NRG3: variants seen among roughly 807,000 people sequenced by gnomAD.
NRG3 encodes the protein pro-neuregulin-3, membrane-bound isoform.
Under a neutral mutation model 66.9 loss-of-function variants are expected in NRG3, and 31 were observed. The ratio of observed to expected loss-of-function variants is 0.46; its 90% CI spans 0.35 to 0.63. NRG3 has a LOEUF of 0.63. Among genes scored for constraint, NRG3 ranks in the 20% least tolerant of loss-of-function variants. The pLI is 0.00. For synonymous variants in NRG3, 393 were observed against 359.4 expected (o/e 1.09, Z -1.06); for missense variants, 910 against 878.9 (o/e 1.04, Z -0.45).
chr10:82,480,478 G>T (rs1842180745), intron 2 of NRG3, among the ~76,000 whole-genome samples: 1 of 152,086 alleles, frequency 6.6e-6, no homozygotes, highest in Non-Finnish European at 1.5e-5. Context: ...TTGTGCTTTG[G>T]GGTTAAGGAA....
intron 1 of NRG3, among the ~76,000 whole-genome samples, chr10:82,018,458 C>T (rs1230089066): frequency 2.6e-5 from 4 of 152,090 alleles, no homozygotes; most frequent in Non-Finnish European, 4.4e-5. Context: ...GTAGTTTTTT[C>T]CAATTCTGTG....
chr10:82,902,984 C>A (rs1488873310), intron 4 of NRG3, among the ~76,000 whole-genome samples: 1 of 151,988 alleles, frequency 6.6e-6, no homozygotes. Flanking sequence ...AAAAGTTAGG[C>A]ATGTCATGAA....
chr10:82,810,671 G>A (rs531328327), intron 3 of NRG3, among the ~76,000 whole-genome samples: 11 of 150,210 alleles, frequency 7.3e-5, no homozygotes, highest in African/African-American at 1.2e-4. Context: ...GCGGAGGCAG[G>A]AGAATCACTT....
chr10:82,463,412 A>C (rs2091614333), intron 2 of NRG3, among the ~76,000 whole-genome samples: 1 of 152,226 alleles, frequency 6.6e-6, no homozygotes, highest in Non-Finnish European at 1.5e-5. Context: ...GCCTGAGGGC[A>C]CCACTGATGT....
chr10:82,157,964 C>G (rs1414539469), intron 1 of NRG3, among the ~76,000 whole-genome samples: 1 of 151,650 alleles, frequency 6.6e-6, no homozygotes. Flanking sequence ...TTCCTGTGAG[C>G]ATCAAGGAAC....
chr10:82,929,229 G>T (rs959760760), intron 4 of NRG3, among the ~76,000 whole-genome samples: 1 of 152,180 alleles, frequency 6.6e-6, no homozygotes, highest in African/African-American at 2.4e-5. Flanking sequence ...AATGGTAGGG[G>T]TGGAGGAATG....
chr10:82,137,421 A>G (rs948010421), intron 1 of NRG3, among the ~76,000 whole-genome samples: 4 of 152,210 alleles, frequency 2.6e-5, no homozygotes, highest in Non-Finnish European at 5.9e-5. Context: ...GATCTTAAAC[A>G]TAAATGGAAA....
chr10:82,062,370 C>T (rs962638339), intron 1 of NRG3, among the ~76,000 whole-genome samples: 1 of 152,060 alleles, frequency 6.6e-6, no homozygotes, highest in African/African-American at 2.4e-5. Flanking sequence ...GTTTGGGAGG[C>T]CAAGGCAGGT....
chr10:82,115,840 C>A lies in NRG3; in HGVS notation c.823+239677C>A, dbSNP rs142101930. 3.9e-3 allele frequency among the ~76,000 whole-genome samples: 601 copies of A among 152,226 alleles called. 2 individuals are homozygous for A. Among genetic ancestry groups the A allele is most frequent in the African/African-American group, 0.014 (573 of 41,536 alleles). ...CTGCTCAGTAAATGCCTCTGGTGGG[C>A]AGATGGCACAGAAGTGCTTAGGGGA... On this transcript the variant is annotated intron_variant, in intron 1 of 8. Transcript: ENST00000372141.
intron 2 of NRG3, among the ~76,000 whole-genome samples, chr10:82,479,048 T>C (rs755326299): frequency 3.5e-4 from 53 of 152,308 alleles, no homozygotes; most frequent in Non-Finnish European, 6.3e-4. Context: ...GGATATCCAC[T>C]ATCCAATTTA....
chr10:82,480,822 C>A (rs1411280743), intron 2 of NRG3, among the ~76,000 whole-genome samples: 1 of 152,200 alleles, frequency 6.6e-6, no homozygotes, highest in Non-Finnish European at 1.5e-5. Context: ...CATGGTCAAG[C>A]CTAGTGCTGA....
intron 1 of NRG3, among the ~76,000 whole-genome samples, chr10:82,000,814 G>A (rs1390605991): frequency 6.6e-6 from 1 of 152,142 alleles, no homozygotes; most frequent in Non-Finnish European, 1.5e-5. Flanking sequence ...GTACATTTCT[G>A]CTGCAAATCA....
chr10:82,934,047 G>A lies in NRG3; in HGVS notation c.1055-17422G>A, dbSNP rs1847838285. Among the ~76,000 whole-genome samples, 3 of 152,126 alleles carry A rather than the reference G, an allele frequency of 2.0e-5. No individual in the cohort carries two copies. The South Asian group carries it at 6.2e-4, about 32-fold the overall frequency. On this transcript the variant is annotated intron_variant, in intron 4 of 8. Transcript: ENST00000372141. Reference sequence around the variant, plus strand: ...CGGGCAATTTATTTTCTATCTCTAGGAACTGGTTAGTCCTGAGAGGGGAAA... The same window carrying A: ...CGGGCAATTTATTTTCTATCTCTAGAAACTGGTTAGTCCTGAGAGGGGAAA...
At chr10:82,975,455 T>C (rs1852163304) in intron 7 of NRG3, among the ~76,000 whole-genome samples, 1 of 152,166 alleles carries the variant, frequency 6.6e-6, no homozygotes, top group Admixed American at 6.5e-5. Flanking sequence ...CCTCCTAAAC[T>C]TGGCTTCTCC....
chr10:82,429,737 C>A (rs1389816366), intron 2 of NRG3, among the ~76,000 whole-genome samples: 2 of 152,054 alleles, frequency 1.3e-5, no homozygotes, highest in Admixed American at 1.3e-4. Context: ...TTTTTCTTGG[C>A]CTCTCATCCA....
intron 1 of NRG3, among the ~76,000 whole-genome samples, chr10:82,292,776 C>T (rs190103906): frequency 4.6e-5 from 7 of 152,250 alleles, no homozygotes; most frequent in East Asian, 1.9e-4. Context: ...ATTTATATAA[C>T]GTTCTTGAAA....
chr10:82,432,796 C>T (rs2089906998), intron 2 of NRG3, among the ~76,000 whole-genome samples: 1 of 152,180 alleles, frequency 6.6e-6, no homozygotes, highest in Non-Finnish European at 1.5e-5. Context: ...GACATAATCT[C>T]ATTCCTTTTT....
At chr10:82,666,952 G>A (rs1373455825) in intron 2 of NRG3, among the ~76,000 whole-genome samples, 2 of 152,190 alleles carry the variant, frequency 1.3e-5, no homozygotes, top group African/African-American at 4.8e-5. Context: ...ACATCGTCTA[G>A]AAACTTTAAT....
rs534970996 is a variant in NRG3, at chr10:81,985,344, C to T, written c.823+109181C>T. 3.9e-5 allele frequency among the ~76,000 whole-genome samples: 6 copies of T among 152,310 alleles called. No homozygotes were observed. The East Asian group carries it at 1.2e-3, about 29-fold the overall frequency. ...GCTGGATGGGCTTTTCTGAAAGTGA[C>T]CTAGGCCAAGCCATGACGGCCAAAG... On this transcript the variant is annotated intron_variant, in intron 1 of 8. Transcript: ENST00000372141.
Sources: gnomAD v4.1 joint callset for allele counts (sites outside exome capture counted in the v4.1 genomes callset) on GRCh38, gnomAD v4.1.1 for gene constraint, MANE v1.5 for transcripts, NCBI Gene and HGNC (gene_info 2026-07-23, HGNC 2026-07-21) for gene names.